Variants in PIEZO1 observed in about 807,000 individuals in gnomAD.
The protein encoded by PIEZO1 is piezo type mechanosensitive ion channel component 1 (Er blood group), also known as piezo-type mechanosensitive ion channel component 1.
Under a neutral mutation model 297.2 loss-of-function variants are expected in PIEZO1, and 296 were observed. The ratio of observed to expected loss-of-function variants is 1.00; its 90% CI spans 0.91 to 1.10. The LOEUF (loss-of-function observed/expected upper bound fraction) is 1.10, where lower values mean the gene tolerates loss of function less well. Among genes scored for constraint, PIEZO1 ranks in the 50% least tolerant of loss-of-function variants. The pLI is 0.00. For missense variants in PIEZO1, 5,018 were observed against 3,455.5 expected (o/e 1.45, Z -11.34); for synonymous variants, 2,427 against 1,507.5 (o/e 1.61, Z -14.13).
chr16:88,717,697 A>G (rs952306397), intron 44 of PIEZO1: 1 of 437,286 alleles, frequency 2.3e-6, no homozygotes, highest in Non-Finnish European at 4.6e-6. Flanking sequence ...AAGAAAATTT[A>G]AGAGACAGTC....
At position 88,731,741 on chromosome 16, in the gene PIEZO1, AGGTACT is replaced by A; in HGVS notation, c.3155_3160del (p.Gln1052_Tyr1053del). The A allele has an allele frequency of 6.5e-7, 1 of 1,549,810 alleles. No homozygotes were observed. On this transcript the variant is annotated inframe_deletion, in exon 22 of 51. Coordinates refer to ENST00000301015, the MANE Select transcript of PIEZO1 (RefSeq NM_001142864.4). ...GGCCGGGGGCATCCCCAGGCACAGC[AGGTACT>A]GGTACAGCAGGAACAGCGCCAGGAA...
chr16:88,732,336 T>C lies in PIEZO1; in HGVS notation c.2990A>G (p.Glu997Gly). The part of the protein sequence containing the change: ...INFFFYKFGL[E>G]ICFLMAVNVI... ...GGGGAGGCAATGTCCTTGCCTCACC[T>C]CCAGCCCGAATTTGTAGAAGAAGAA... Residue 997 changes from glutamate (E) to glycine (G), a missense_variant and splice_region_variant, in exon 21 of 51, where the codon GAG becomes GGG. By Grantham distance (98) the Glu-to-Gly change is moderately conservative (BLOSUM62 -2). Transcript: ENST00000301015. 1 of 1,548,984 alleles carries C rather than the reference T, an allele frequency of 6.5e-7. No individual in the cohort carries two copies. Among genetic ancestry groups the C allele is most frequent in the Non-Finnish European group, 8.7e-7 (1 of 1,146,042 alleles).
At chr16:88,784,203 A>G (rs1908066174) in intron 1 of PIEZO1, among the ~76,000 whole-genome samples, 1 of 152,230 alleles carries the variant, frequency 6.6e-6, no homozygotes, top group Admixed American at 6.5e-5. Flanking sequence ...CCCTGACACC[A>G]GGCCACAGCC....
intron 1 of PIEZO1, among the ~76,000 whole-genome samples, chr16:88,749,729 T>A (rs1460246613): frequency 6.6e-6 from 1 of 152,176 alleles, no homozygotes; most frequent in Non-Finnish European, 1.5e-5. Flanking sequence ...TTTTTTCCTT[T>A]AAAAATGCTA....
chr16:88,742,196 T>C, intron 3 of PIEZO1, 101 bp from the exon 4 acceptor site: 3 of 1,503,954 alleles, frequency 2.0e-6, no homozygotes, highest in Non-Finnish European at 1.8e-6. Context: ...AGGCCAGACA[T>C]AAATCAGGCT....
In PIEZO1 at chr16:88,721,442, G is replaced by A. The variant is rs769409639; in HGVS notation, c.5404-12C>T. ...CAGAGGCCATAGCACTGAGGGGCGG[G>A]AGGGTGTGGTGAGGGGGCCTTGCCT... On this transcript the variant is annotated splice_polypyrimidine_tract_variant and intron_variant, in intron 38 of 50. Coordinates refer to ENST00000301015, the MANE Select transcript of PIEZO1 (RefSeq NM_001142864.4). The A allele has an allele frequency of 1.5e-5, 23 of 1,543,692 alleles. No homozygotes were observed. In the South Asian group the frequency reaches 2.7e-4, roughly 18 times the overall value.
intron 1 of PIEZO1, among the ~76,000 whole-genome samples, chr16:88,768,812 G>C (rs998194863): frequency 6.6e-6 from 1 of 152,250 alleles, no homozygotes; most frequent in Non-Finnish European, 1.5e-5. Context: ...CCCACAATGG[G>C]CAGGCCAGCG....
At chr16:88,758,984 C>G (rs1486129429) in intron 1 of PIEZO1, among the ~76,000 whole-genome samples, 1 of 152,224 alleles carries the variant, frequency 6.6e-6, no homozygotes, top group Non-Finnish European at 1.5e-5. Flanking sequence ...AAGATCCACA[C>G]CAAGCTGTTG....
chr16:88,754,842 T>C (rs1021917452), intron 1 of PIEZO1, among the ~76,000 whole-genome samples: 2 of 152,188 alleles, frequency 1.3e-5, no homozygotes, highest in Non-Finnish European at 2.9e-5. Context: ...CCACAGGAGC[T>C]GAGGCTGCAT....
Position 88,722,242 on chromosome 16 carries a change from G to A in PIEZO1, c.4931C>T (p.Thr1644Met). The change falls in exon 36 of 51, where the codon ACG becomes ATG. Residue 1644 changes from threonine to methionine, a missense_variant. Thr to Met is a moderately conservative substitution (Grantham distance 81, BLOSUM62 -1). Transcript: ENST00000301015. ...CCTGTCCAGGAGCAGCTCGCTGGCC[G>A]TCCGCATCAGTCCCTGGTACAGAGA... The part of the protein sequence containing the change: ...GASLYQGLMR[T>M]ASELLLDRRL... 2.6e-6 allele frequency: 4 copies of A among 1,547,526 alleles called. No homozygotes were observed. Among genetic ancestry groups the A allele is most frequent in the South Asian group, 1.2e-5 (1 of 84,026 alleles).
intron 2 of PIEZO1, chr16:88,743,710 C>A: frequency 2.2e-6 from 1 of 450,862 alleles, no homozygotes; most frequent in Non-Finnish European, 4.5e-6. Context: ...CATCCCTAAG[C>A]CTGACCGTGA....
At chr16:88,718,138 C>T (rs1912182731) in intron 44 of PIEZO1, 1 of 187,572 alleles carries the variant, frequency 5.3e-6, no homozygotes, top group Non-Finnish European at 1.1e-5. Flanking sequence ...ACACAAATGG[C>T]CAAGCACATG....
chr16:88,751,478 C>A (rs763912142), intron 1 of PIEZO1, among the ~76,000 whole-genome samples: 1 of 152,214 alleles, frequency 6.6e-6, no homozygotes, highest in Non-Finnish European at 1.5e-5. Flanking sequence ...AAGGCGGCCT[C>A]GGCTTAGCGC....
intron 1 of PIEZO1, among the ~76,000 whole-genome samples, chr16:88,771,160 C>T (rs928820732): frequency 1.3e-5 from 2 of 152,168 alleles, no homozygotes; most frequent in African/African-American, 2.4e-5. Flanking sequence ...ATCAACCGTG[C>T]GAAAGGCCCC....
Position 88,733,600 on chromosome 16 carries a change from C to T in PIEZO1, c.2475G>A (p.Val825=), listed in dbSNP as rs1324323394. The part of the protein sequence containing the change: ...FKLVALYTVW[V]ALKEVSVMNL... ...CTGCCACACTCACCTCCTTCAGGGC[C>T]ACCCAGACGGTGTACAGGGCCACCA... Residue 825 remains valine, a synonymous_variant, in exon 18 of 51, where the codon GTG becomes GTA. Transcript: ENST00000301015. The T allele has an allele frequency of 1.3e-6, 2 of 1,545,040 alleles. No individual in the cohort carries two copies. Among genetic ancestry groups the T allele is most frequent in the Middle Eastern group, 1.7e-4 (1 of 5,994 alleles).
Position 88,715,632 on chromosome 16 carries a change from C to T in PIEZO1, c.7539G>A (p.Met2513Ile). The change falls in exon 51 of 51, where the codon ATG (methionine) becomes ATA (isoleucine). Residue 2513 changes from methionine to isoleucine, a missense_variant. By Grantham distance (10) the Met-to-Ile change is conservative. Coordinates refer to ENST00000301015, the MANE Select transcript of PIEZO1 (RefSeq NM_001142864.4). ...LIFLYRSPET[M>I]IKWTREKE Reference sequence around the variant, plus strand: ...ACTCCTTCTCACGAGTCCACTTGATCATGGTCTCCGGTGAGCGGTAGAGGA... The same window carrying T: ...ACTCCTTCTCACGAGTCCACTTGATTATGGTCTCCGGTGAGCGGTAGAGGA... 6.5e-7 allele frequency: 1 copy of T among 1,550,192 alleles called. No homozygotes were observed. The highest frequency in any genetic ancestry group is 8.7e-7 in the Non-Finnish European group (1 of 1,146,914).
intron 12 of PIEZO1, 144 bp downstream of exon 12, chr16:88,736,004 G>C (rs1905186528): frequency 2.5e-6 from 2 of 794,656 alleles, no homozygotes; most frequent in South Asian, 1.8e-5. Context: ...CTCTGGGCTG[G>C]CTCTGGGTGG....
rs368467347 is a variant in PIEZO1, at chr16:88,717,238, G to A, written c.6472-27C>T. 2.3e-4 allele frequency: 360 copies of A among 1,534,434 alleles called. 3 individuals carry two copies. The highest frequency in any genetic ancestry group is 1.2e-3 in the Middle Eastern group (7 of 5,978). The stretch of plus-strand genomic sequence containing the variant: ...TGGAGGGGAACGACACAGGTCATAC[G>A]CTCAGCTCTGCCCTTCCTGCGGGTC... On this transcript the variant is annotated intron_variant, in intron 44 of 50. Coordinates refer to ENST00000301015, the MANE Select transcript of PIEZO1 (RefSeq NM_001142864.4).
intron 1 of PIEZO1, among the ~76,000 whole-genome samples, chr16:88,754,620 G>C (rs1252432919): frequency 6.6e-6 from 1 of 152,230 alleles, no homozygotes; most frequent in African/African-American, 2.4e-5. Flanking sequence ...AGGGCTGCCG[G>C]ATGGGGCTTT....
Sources: allele counts gnomAD v4.1 joint callset (sites outside exome capture counted in the v4.1 genomes callset), GRCh38; gene constraint gnomAD v4.1.1; transcripts MANE v1.5; gene names NCBI Gene and HGNC (gene_info 2026-07-23, HGNC 2026-07-21).